Variants in ARAP1 observed in about 807,000 individuals in gnomAD.
The protein encoded by ARAP1 is arf-GAP with Rho-GAP domain, ANK repeat and PH domain-containing protein 1.
ARAP1 carries 76 observed loss-of-function variants against 172.2 expected under a neutral mutation model. The ratio of observed to expected loss-of-function variants is 0.44; its 90% confidence interval spans 0.37 to 0.53. ARAP1 has a LOEUF of 0.53. ARAP1 is among the 20% of genes least tolerant of loss of function. The pLI, the probability that ARAP1 is intolerant of heterozygous loss-of-function variation, is 0.00. For missense variants in ARAP1, 1,686 were observed against 1,977.5 expected (o/e 0.85, Z 2.80); for synonymous variants, 804 against 803.3 (o/e 1.00, Z -0.01).
At chr11:72,700,652 G>C (rs778972672) in intron 16 of ARAP1, 8 of 152,294 alleles carry the variant, frequency 5.3e-5, no homozygotes, top group Non-Finnish European at 8.8e-5. Context: ...GTGGGGTACA[G>C]AGAATCTATA....
intron 1 of ARAP1, among the ~76,000 whole-genome samples, chr11:72,734,755 C>A (rs1857962931): frequency 6.6e-6 from 1 of 151,056 alleles, no homozygotes; most frequent in Admixed American, 6.6e-5. Context: ...CAGCAGTAGC[C>A]ACACGTGGCT....
At position 72,701,499 on chromosome 11, in the gene ARAP1, G is replaced by A. The variant is rs541136122; in HGVS notation, c.2302+150C>T. On this transcript the variant is annotated intron_variant, in intron 16 of 34. Coordinates refer to ENST00000393609, the MANE Select transcript of ARAP1 (RefSeq NM_001040118.3). The stretch of plus-strand genomic sequence containing the variant: ...CCCCACTCCCACCAGGATCATTTAG[G>A]AAGTACCTACTGTGTACCACAGACT... 41 of 1,124,362 alleles carry A rather than the reference G, an allele frequency of 3.6e-5. No homozygotes were observed. In the East Asian group the frequency reaches 1.0e-3, roughly 28 times the overall value. 69.6% of individuals were successfully genotyped at this position (1,124,362 alleles called of 1,614,324 possible). A position where few individuals can be genotyped will look rare whatever the true frequency, so the allele number is the denominator to read the frequency against.
At chr11:72,744,817 A>T (rs1305116043) in intron 1 of ARAP1, among the ~76,000 whole-genome samples, 3 of 152,198 alleles carry the variant, frequency 2.0e-5, no homozygotes, top group African/African-American at 7.2e-5. Context: ...CAGTAGAGGC[A>T]AATGAGTGTC....
At chr11:72,692,873 T>C (rs1856001902) in intron 29 of ARAP1, 88 bp from the exon 30 acceptor site, 1 of 1,504,196 alleles carries the variant, frequency 6.6e-7, no homozygotes, top group Non-Finnish European at 9.2e-7. Context: ...TTGGGGTGTG[T>C]GTATGGCATG....
chr11:72,742,364 C>T (rs1019098885), intron 1 of ARAP1, among the ~76,000 whole-genome samples: 27 of 152,186 alleles, frequency 1.8e-4, no homozygotes, highest in African/African-American at 5.8e-4. Flanking sequence ...TCATAAAATC[C>T]TTCCAACAAC....
chr11:72,713,327 C>T (rs1468565863), intron 4 of ARAP1, 84 bp from the exon 5 acceptor site: 2 of 1,313,248 alleles, frequency 1.5e-6, no homozygotes, highest in African/African-American at 2.9e-5. Flanking sequence ...CACAAAGCCT[C>T]CCCCATGCCA....
chr11:72,748,428 G>C (rs1208173067), intron 1 of ARAP1, among the ~76,000 whole-genome samples: 4 of 151,920 alleles, frequency 2.6e-5, no homozygotes, highest in African/African-American at 9.7e-5. Flanking sequence ...GCTGAGGCAG[G>C]AGAATCGCTT....
intron 30 of ARAP1, 92 bp downstream of exon 30, chr11:72,692,661 C>T: frequency 1.3e-6 from 2 of 1,541,124 alleles, no homozygotes; most frequent in Admixed American, 1.7e-5. Context: ...TGGAGATGGC[C>T]AGGAGCCCTG....
At chr11:72,739,102 G>A (rs752216522) in intron 1 of ARAP1, among the ~76,000 whole-genome samples, 2 of 151,582 alleles carry the variant, frequency 1.3e-5, no homozygotes, top group South Asian at 2.1e-4. Context: ...TGGCCCCCAC[G>A]CCTCTGCAGA....
Position 72,749,202 on chromosome 11 carries a change from C to T in ARAP1, c.-128+3126G>A, listed in dbSNP as rs546372886. On this transcript the variant is annotated intron_variant, in intron 1 of 34. Transcript: ENST00000393609. ...GCACCTCACTCAGCCCTGGGAGGTG[C>T]TCAAAGAGTAAGATCAAAGTGAAGT... Among the ~76,000 whole-genome samples, 10 of 152,276 alleles carry T rather than the reference C, an allele frequency of 6.6e-5. No individual in the cohort carries two copies. The East Asian group carries it at 1.7e-3, about 26-fold the overall frequency.
chr11:72,696,859 A>T, intron 22 of ARAP1, 124 bp downstream of exon 22: 1 of 1,110,314 alleles, frequency 9.0e-7, no homozygotes, highest in Non-Finnish European at 1.3e-6. Flanking sequence ...AATGAGAAGC[A>T]GAGGCAGGCA....
At chr11:72,730,525 C>T (rs1277484696) in intron 2 of ARAP1, among the ~76,000 whole-genome samples, 1 of 152,130 alleles carries the variant, frequency 6.6e-6, no homozygotes, top group African/African-American at 2.4e-5. Context: ...GGTAAAATCC[C>T]GTCTCTACTA....
intron 16 of ARAP1, among the ~76,000 whole-genome samples, chr11:72,701,227 G>A (rs951677571): frequency 6.6e-6 from 1 of 150,980 alleles, no homozygotes; most frequent in Non-Finnish European, 1.5e-5. Context: ...TAGGGGGGTG[G>A]TTCAGAGAGG....
intron 30 of ARAP1, chr11:72,688,827 A>T: frequency 2.6e-6 from 1 of 382,980 alleles, no homozygotes; most frequent in East Asian, 5.3e-5. Context: ...AGCGAATCCC[A>T]GCACCACCCT....
Position 72,710,694 on chromosome 11 carries a change from A to G in ARAP1, c.1214-107T>C. The G allele has an allele frequency of 8.2e-7, 1 of 1,212,536 alleles. No homozygotes were observed. The highest frequency in any genetic ancestry group is 1.1e-6 in the Non-Finnish European group (1 of 890,026). The allele number at this position is 1,212,536 out of a possible 1,614,324, so 75.1% of individuals were successfully genotyped here. On this transcript the variant is annotated intron_variant, in intron 9 of 34. Transcript: ENST00000393609. This position sits in a 1 kb window ranked among gnomAD's most constrained non-coding sequence, Gnocchi z 4.3. ...CACCTCCTCCAGAAAGCCCACTCAG[A>G]TGCCCCCATCATTTTGCTTGACTTC...
At chr11:72,734,666 T>C (rs961724399) in intron 1 of ARAP1, among the ~76,000 whole-genome samples, 1 of 151,954 alleles carries the variant, frequency 6.6e-6, no homozygotes, top group African/African-American at 2.4e-5. Flanking sequence ...TAAAGGGAGG[T>C]TAAACAACTT....
chr11:72,745,355 AT>A (rs35656290), intron 1 of ARAP1, among the ~76,000 whole-genome samples: 24,844 of 110,738 alleles, frequency 0.22, 2,061 homozygotes, highest in Middle Eastern at 0.28. Context: ...CGTCCGGCTA[AT>A]TTTTTTTTTT....
rs150174561 is a variant in ARAP1, at chr11:72,701,758, C to T, written c.2193G>A (p.Lys731=). ...CAACTGAGTAGTGCTTTTCCAGGGG[C>T]TTCATCGAGTCCAGCCGAGGCACCT... ...TTEVPRLDSM[K]PLEKHYSVVL... is the part of the protein sequence containing the mutation. The change falls in exon 16 of 35, where the codon AAG becomes AAA. Residue 731 remains lysine (K), a synonymous_variant. Transcript: ENST00000393609. The T allele has an allele frequency of 6.2e-7, 1 of 1,613,844 alleles. No individual in the cohort carries two copies. The highest frequency in any genetic ancestry group is 8.5e-7 in the Non-Finnish European group (1 of 1,179,838).
Position 72,726,871 on chromosome 11 carries a change from G to A in ARAP1, c.258C>T (p.Arg86=). 6.4e-6 allele frequency: 10 copies of A among 1,569,578 alleles called. No homozygotes were observed. The highest frequency in any genetic ancestry group is 8.6e-6 in the Non-Finnish European group (10 of 1,156,868). ...GCACAGGTGGTGAGCGGAAGATGTG[G>A]CGCTTCATGGGCACAGGCCGTGGGG... ...RPTPRPVPMK[R]HIFRSPPVPA... Residue 86 remains arginine, a synonymous_variant, in exon 3 of 35, where the codon CGC becomes CGT. Coordinates refer to ENST00000393609, the MANE Select transcript of ARAP1 (RefSeq NM_001040118.3). This position sits in a 1 kb window ranked among gnomAD's most constrained non-coding sequence, Gnocchi z 6.5.
Sources: gnomAD v4.1 joint callset for allele counts (sites outside exome capture counted in the v4.1 genomes callset) on GRCh38, gnomAD v4.1.1 for gene constraint, Gnocchi (gnomAD v3.1) non-coding constraint, MANE v1.5 for transcripts, NCBI Gene and HGNC (gene_info 2026-07-23, HGNC 2026-07-21) for gene names.